PRPSAP1: variants seen among roughly 807,000 people sequenced by gnomAD.
PRPSAP1 encodes the protein phosphoribosyl pyrophosphate synthetase associated protein 1, also known as phosphoribosyl pyrophosphate synthase-associated protein 1.
Under a neutral mutation model 39.4 loss-of-function variants are expected in PRPSAP1, and 31 were observed. That is an observed-to-expected ratio of 0.79 (90% CI 0.59 to 1.06). The LOEUF (loss-of-function observed/expected upper bound fraction) is 1.06. Ranked by LOEUF, PRPSAP1 falls within the 50% of genes least tolerant of loss-of-function variation. The pLI is 0.00. For synonymous variants in PRPSAP1, 212 were observed against 192.6 expected, an observed-to-expected ratio of 1.10 and a Z score of -0.83; for missense variants, 430 against 511.6, an observed-to-expected ratio of 0.84 and a Z score of 1.54.
At chr17:76,354,025 C>T, upstream of PRPSAP1, 1 of 1,139,934 alleles carries the variant, frequency 8.8e-7, no homozygotes, top group Non-Finnish European at 1.1e-6. Flanking sequence ...GCCTGTTCTT[C>T]CGAGGGGCAT....
At chr17:76,340,271 C>T in intron 3 of PRPSAP1, among the ~76,000 whole-genome samples, 1 of 151,802 alleles carries the variant, frequency 6.6e-6, no homozygotes, top group Admixed American at 6.6e-5. Flanking sequence ...AAGGCATGAG[C>T]CACCACACCT....
At chr17:76,339,140 C>G (rs1049409520) in intron 3 of PRPSAP1, among the ~76,000 whole-genome samples, 1 of 152,096 alleles carries the variant, frequency 6.6e-6, no homozygotes, top group Non-Finnish European at 1.5e-5. Context: ...CACGGTGGCT[C>G]ACGTCTATAA....
chr17:76,339,476 C>G (rs1339760321), intron 3 of PRPSAP1, among the ~76,000 whole-genome samples: 1 of 151,830 alleles, frequency 6.6e-6, no homozygotes. Context: ...CACACCCACA[C>G]AAAACAACAC....
intron 1 of PRPSAP1, among the ~76,000 whole-genome samples, 189 bp from the exon 2 acceptor site, chr17:76,348,770 T>G (rs1028351133): frequency 1.3e-5 from 2 of 152,208 alleles, no homozygotes; most frequent in African/African-American, 4.8e-5. Context: ...CACCACGTTG[T>G]AACATACTGC....
intron 3 of PRPSAP1, 92 bp downstream of exon 3, chr17:76,344,579 T>A: frequency 8.4e-7 from 1 of 1,188,510 alleles, no homozygotes; most frequent in South Asian, 1.4e-5. Flanking sequence ...ATATAACTTT[T>A]AAAAACACTA....
At chr17:76,353,463 C>T in intron 1 of PRPSAP1, 71 bp downstream of exon 1, 1 of 1,370,150 alleles carries the variant, frequency 7.3e-7, no homozygotes, top group South Asian at 1.5e-5. Context: ...TGGAGGGGAG[C>T]GGGTCCCTCC....
intron 3 of PRPSAP1, among the ~76,000 whole-genome samples, chr17:76,344,247 C>A (rs2071471457): frequency 6.6e-6 from 1 of 152,204 alleles, no homozygotes; most frequent in African/African-American, 2.4e-5. Flanking sequence ...CCTATCTCAG[C>A]CTCCTAAGTA....
intron 3 of PRPSAP1, among the ~76,000 whole-genome samples, chr17:76,343,144 T>C (rs1163831348): frequency 6.6e-6 from 1 of 152,240 alleles, no homozygotes. Flanking sequence ...TCAGTGCCAT[T>C]CTTATTACTA....
intron 7 of PRPSAP1, among the ~76,000 whole-genome samples, chr17:76,316,205 A>G (rs1233235819): frequency 6.6e-6 from 1 of 150,538 alleles, no homozygotes; most frequent in African/African-American, 2.5e-5. Flanking sequence ...AAAAAAAAAG[A>G]AAGATTGCAA....
At chr17:76,317,446 C>G (rs977218632) in intron 7 of PRPSAP1, among the ~76,000 whole-genome samples, 1 of 152,152 alleles carries the variant, frequency 6.6e-6, no homozygotes, top group Non-Finnish European at 1.5e-5. Flanking sequence ...ATTGCTTGAA[C>G]CCGGGAGGTG....
At chr17:76,351,105 T>TGA (rs928303338) in intron 1 of PRPSAP1, among the ~76,000 whole-genome samples, 9 of 152,164 alleles carry the variant, frequency 5.9e-5, no homozygotes. Context: ...TTTTTAAAAA[T>TGA]ACTCCAGGTG....
chr17:76,316,829 C>T (rs1052650678), intron 7 of PRPSAP1, among the ~76,000 whole-genome samples: 8 of 152,170 alleles, frequency 5.3e-5, no homozygotes, highest in African/African-American at 1.9e-4. Flanking sequence ...GTAGCCTTTT[C>T]CAAGTAAAAT....
chr17:76,320,321 G>GAGGGAGGA lies in PRPSAP1; in HGVS notation c.782-6431_782-6430insTCCTCCCT, dbSNP rs1567799176. On this transcript the variant is annotated intron_variant, in intron 7 of 9. Coordinates refer to ENST00000446526, the MANE Select transcript of PRPSAP1 (RefSeq NM_002766.3). ...AAGAAAAGAAAGGAAGGGAGGAAGG[G>GAGGGAGGA]AAGAAGGGAGGGAGGGAGGGAGGAA... Among the ~76,000 whole-genome samples, 666 of 112,656 alleles carry GAGGGAGGA rather than the reference G, an allele frequency of 5.9e-3. 15 individuals carry two copies. The highest frequency in any genetic ancestry group is 0.029 in the African/African-American group (622 of 21,802). The allele number at this position is 112,656 out of a possible 152,430, so 73.9% of individuals were successfully genotyped here. A position where few individuals can be genotyped will look rare whatever the true frequency, so the allele number is the denominator to read the frequency against.
intron 1 of PRPSAP1, chr17:76,353,222 G>A (rs888375911): frequency 9.4e-6 from 3 of 317,586 alleles, no homozygotes; most frequent in Non-Finnish European, 1.7e-5. Flanking sequence ...CCCAAGACAC[G>A]CACTCCGGGG....
rs577227551 is a variant in PRPSAP1, at chr17:76,348,194, C to A, written c.223+335G>T. Among the ~76,000 whole-genome samples the A allele has an allele frequency of 1.3e-4, 18 of 138,144 alleles. No homozygotes were observed. The East Asian group carries it at 3.5e-3, about 27-fold the overall frequency. The allele number at this position is 138,144 out of a possible 152,430, so 90.6% of individuals were successfully genotyped here. A position where few individuals can be genotyped will look rare whatever the true frequency, so the allele number is the denominator to read the frequency against. On this transcript the variant is annotated intron_variant, in intron 2 of 9. Coordinates refer to ENST00000446526, the MANE Select transcript of PRPSAP1 (RefSeq NM_002766.3). ...AAATAAATAAATAAATAAATAAAGG[C>A]TGGGCACAGTGGTCATGCCTGTAAT...
chr17:76,320,296 A>G (rs1371813753), intron 7 of PRPSAP1, among the ~76,000 whole-genome samples: 13 of 75,114 alleles, frequency 1.7e-4, no homozygotes, highest in South Asian at 1.1e-3. Context: ...GAAAGAAAGA[A>G]AGAAAAGAAA....
chr17:76,313,949 T>A (rs535823527), intron 7 of PRPSAP1, 58 bp from the exon 8 acceptor site: 1 of 1,575,226 alleles, frequency 6.3e-7, no homozygotes, highest in Non-Finnish European at 8.7e-7. Context: ...TAGAGAAATG[T>A]AATCACAACC....
chr17:76,351,469 C>G (rs2071570903), intron 1 of PRPSAP1, among the ~76,000 whole-genome samples: 1 of 151,608 alleles, frequency 6.6e-6, no homozygotes, highest in Non-Finnish European at 1.5e-5. Flanking sequence ...GAGCCGAGAT[C>G]GCGCCACTGC....
chr17:76,348,472 C>CA, intron 2 of PRPSAP1, 57 bp downstream of exon 2: 4 of 1,176,212 alleles, frequency 3.4e-6, no homozygotes, highest in South Asian at 2.3e-5. Context: ...GGCTCTGTCT[C>CA]AAAAAAACTA....
Sources: gnomAD v4.1 joint callset for allele counts (sites outside exome capture counted in the v4.1 genomes callset) on GRCh38, gnomAD v4.1.1 for gene constraint, MANE v1.5 for transcripts, NCBI Gene and HGNC (gene_info 2026-07-23, HGNC 2026-07-21) for gene names.